TEX14: variants seen among roughly 807,000 people sequenced by gnomAD.
The protein encoded by TEX14 is testis expressed 14, intercellular bridge forming factor, also known as inactive serine/threonine-protein kinase TEX14.
A neutral mutation model predicts 178.6 loss-of-function variants in TEX14; 168 were observed. That is an observed-to-expected ratio of 0.94 (90% CI 0.83 to 1.07). The LOEUF is 1.07. TEX14 is among the 50% of genes least tolerant of loss of function. TEX14 has a pLI of 0.00. For synonymous variants in TEX14, 626 were observed against 634.1 expected (o/e 0.99, Z 0.19); for missense variants, 1,730 against 1,753.6 (o/e 0.99, Z 0.24).
chr17:58,607,147 C>CA (rs1279116180), intron 10 of TEX14, among the ~76,000 whole-genome samples: 1 of 151,940 alleles, frequency 6.6e-6, no homozygotes. Flanking sequence ...AGAGTGTTAC[C>CA]AAAAATAAAT....
At chr17:58,608,496 C>T (rs1221247179) in intron 10 of TEX14, among the ~76,000 whole-genome samples, 3 of 149,564 alleles carry the variant, frequency 2.0e-5, no homozygotes, top group East Asian at 2.0e-4. Flanking sequence ...GTAGGAAGAT[C>T]GCTTGACGCT....
chr17:58,658,701 GAACAAAAGGCT>G (rs1399448936), intron 1 of TEX14, among the ~76,000 whole-genome samples: 4 of 151,894 alleles, frequency 2.6e-5, no homozygotes, highest in African/African-American at 9.7e-5. Context: ...CATCCCACCA[GAACAAAAGGCT>G]AACATAGCAA....
chr17:58,644,841 G>A (rs1256655067), intron 2 of TEX14, among the ~76,000 whole-genome samples: 1 of 144,248 alleles, frequency 6.9e-6, no homozygotes, highest in Non-Finnish European at 1.5e-5. Context: ...AGTAGAGACA[G>A]GGTTTCACCA....
intron 14 of TEX14, among the ~76,000 whole-genome samples, chr17:58,597,544 C>T (rs7209650): frequency 0.23 from 34,557 of 152,020 alleles, 4,280 homozygotes; most frequent in South Asian, 0.33. Context: ...ATAACATCCG[C>T]CTTCCAATGA....
At chr17:58,557,944 G>A in intron 30 of TEX14, 94 bp from the exon 31 acceptor site, 1 of 929,150 alleles carries the variant, frequency 1.1e-6, no homozygotes, top group Non-Finnish European at 1.7e-6. Context: ...CTAATTTAGA[G>A]TAGACTGTTT....
intron 29 of TEX14, 81 bp from the exon 30 acceptor site, chr17:58,559,643 A>C: frequency 1.5e-6 from 1 of 669,252 alleles, no homozygotes. Context: ...CAAAAAACAA[A>C]CAACAACAAC....
intron 21 of TEX14, among the ~76,000 whole-genome samples, chr17:58,575,142 C>T (rs1420405439): frequency 7.2e-6 from 1 of 139,446 alleles, no homozygotes; most frequent in Non-Finnish European, 1.5e-5. Flanking sequence ...GAGATGGAGT[C>T]TCACTCTTGT....
intron 19 of TEX14, 23 bp downstream of exon 19, chr17:58,584,477 G>T: frequency 6.4e-7 from 1 of 1,552,266 alleles, no homozygotes; most frequent in Non-Finnish European, 8.9e-7. Flanking sequence ...GTTCAACTTG[G>T]CTTTCCAGGC....
intron 1 of TEX14, among the ~76,000 whole-genome samples, chr17:58,669,361 CAAA>C (rs576741561): frequency 7.4e-6 from 1 of 135,804 alleles, no homozygotes; most frequent in Non-Finnish European, 1.6e-5. Flanking sequence ...CAAAAACAAA[CAAA>C]AAAAAAAACA....
chr17:58,684,674 TAAATAAAA>T (rs1182286598), intron 1 of TEX14, among the ~76,000 whole-genome samples: 17 of 128,568 alleles, frequency 1.3e-4, no homozygotes, highest in African/African-American at 3.2e-4. Flanking sequence ...AATAAATAAA[TAAATAAAA>T]AGCTTTCTTC....
At chr17:58,594,268 T>C (rs2045227430) in intron 14 of TEX14, among the ~76,000 whole-genome samples, 1 of 151,760 alleles carries the variant, frequency 6.6e-6, no homozygotes, top group Admixed American at 6.6e-5. Flanking sequence ...CCTATATGAA[T>C]ATGAAGACAG....
At chr17:58,644,983 T>TC (rs2046668549) in intron 2 of TEX14, among the ~76,000 whole-genome samples, 1 of 148,998 alleles carries the variant, frequency 6.7e-6, no homozygotes, top group Non-Finnish European at 1.5e-5. Flanking sequence ...CTTTTTTTTT[T>TC]CTTAACTTTT....
At position 58,680,407 on chromosome 17, in the gene TEX14, T is replaced by C. The variant is rs566933107; in HGVS notation, c.-2+11532A>G. 1.4e-3 allele frequency among the ~76,000 whole-genome samples: 208 copies of C among 152,250 alleles called. 1 individual carries two copies. The highest frequency in any genetic ancestry group is 0.014 in the Middle Eastern group (4 of 294). ...TTTCAAACATGCAGCAAATGATCAA[T>C]CTTACTTGAAAGATCAATTGCACAA... On this transcript the variant is annotated intron_variant, in intron 1 of 31. Coordinates refer to ENST00000349033, the MANE Select transcript of TEX14 (RefSeq NM_031272.5).
intron 9 of TEX14, 32 bp from the exon 10 acceptor site, chr17:58,611,371 A>G: frequency 6.4e-7 from 1 of 1,562,076 alleles, no homozygotes; most frequent in Middle Eastern, 2.2e-4. Context: ...CCACGAAAAA[A>G]AAAAGGACTG....
chr17:58,573,785 C>T (rs915064101), intron 22 of TEX14, among the ~76,000 whole-genome samples: 1 of 152,158 alleles, frequency 6.6e-6, no homozygotes, highest in African/African-American at 2.4e-5. Flanking sequence ...TCCCAAAGTG[C>T]TGGGATTACA....
intron 10 of TEX14, among the ~76,000 whole-genome samples, chr17:58,610,044 G>A (rs2045708070): frequency 6.6e-6 from 1 of 152,246 alleles, no homozygotes; most frequent in African/African-American, 2.4e-5. Context: ...AAGGCTCAGA[G>A]CTGTGGATGG....
chr17:58,593,818 T>C (rs147230233), intron 14 of TEX14, among the ~76,000 whole-genome samples, 157 bp from the exon 15 acceptor site: 1 of 152,290 alleles, frequency 6.6e-6, no homozygotes, highest in African/African-American at 2.4e-5. Context: ...AACCCATCTC[T>C]TATCTGGAGG....
chr17:58,621,522 A>G, intron 5 of TEX14, 128 bp downstream of exon 5: 1 of 918,314 alleles, frequency 1.1e-6, no homozygotes, highest in South Asian at 2.1e-5. Flanking sequence ...TTCCAAGCAC[A>G]CCCCTTTGGA....
At chr17:58,565,100 C>T in intron 27 of TEX14, 132 bp from the exon 28 acceptor site, 1 of 474,984 alleles carries the variant, frequency 2.1e-6, no homozygotes. Context: ...TCCCCTCTTC[C>T]CAGGAGAGCA....
Sources: allele counts gnomAD v4.1 joint callset (sites outside exome capture counted in the v4.1 genomes callset), GRCh38; gene constraint gnomAD v4.1.1; transcripts MANE v1.5; gene names NCBI Gene and HGNC (gene_info 2026-07-23, HGNC 2026-07-21).